SYK: variants seen among roughly 807,000 people sequenced by gnomAD.
SYK encodes the protein tyrosine-protein kinase SYK.
Under a neutral mutation model 77.8 loss-of-function variants are expected in SYK, and 16 were observed. The ratio of observed to expected loss-of-function variants is 0.21; its 90% CI spans 0.14 to 0.31. The LOEUF (loss-of-function observed/expected upper bound fraction) is 0.31. Among genes scored for constraint, SYK ranks in the 10% least tolerant of loss-of-function variants. The pLI is 1.00. For missense variants in SYK, 529 were observed against 814.4 expected, an observed-to-expected ratio of 0.65 and a Z score of 4.26; for synonymous variants, 312 against 308.7, an observed-to-expected ratio of 1.01 and a Z score of -0.11.
At chr9:90,851,163 C>G (rs1363479176) in intron 3 of SYK, among the ~76,000 whole-genome samples, 1 of 152,166 alleles carries the variant, frequency 6.6e-6, no homozygotes, top group African/African-American at 2.4e-5. Flanking sequence ...TAAGCAGAAA[C>G]AGCAGCCAGC....
intron 1 of SYK, among the ~76,000 whole-genome samples, chr9:90,832,221 A>G (rs1825923691): frequency 6.6e-6 from 1 of 152,266 alleles, no homozygotes; most frequent in South Asian, 2.1e-4. Context: ...GTGAATAACA[A>G]GAAGCAACTG....
chr9:90,844,421 A>G, intron 2 of SYK, 106 bp downstream of exon 2: 1 of 1,273,156 alleles, frequency 7.9e-7, no homozygotes, highest in Non-Finnish European at 1.0e-6. Context: ...GTGTGCCCAA[A>G]TAACACAACC....
chr9:90,885,224 G>C (rs1485896959), intron 11 of SYK, among the ~76,000 whole-genome samples: 1 of 151,794 alleles, frequency 6.6e-6, no homozygotes, highest in Non-Finnish European at 1.5e-5. Flanking sequence ...TCAAAATATT[G>C]ATTTTAAAGA....
chr9:90,893,982 G>A (rs1028800059), intron 13 of SYK, among the ~76,000 whole-genome samples: 2 of 152,238 alleles, frequency 1.3e-5, no homozygotes, highest in African/African-American at 4.8e-5. Context: ...CTTCCTGGAG[G>A]CAGCATCTCC....
At chr9:90,890,875 G>T (rs1006977449) in intron 13 of SYK, among the ~76,000 whole-genome samples, 2 of 152,208 alleles carry the variant, frequency 1.3e-5, no homozygotes, top group Non-Finnish European at 2.9e-5. Context: ...AGACACACAA[G>T]AAGTGAGTTT....
At chr9:90,838,392 A>C (rs1324128911) in intron 1 of SYK, among the ~76,000 whole-genome samples, 1 of 152,236 alleles carries the variant, frequency 6.6e-6, no homozygotes, top group Non-Finnish European at 1.5e-5. Flanking sequence ...TGTGCTGCAG[A>C]GAAAAATTAG....
At chr9:90,826,034 G>C (rs1333126370) in intron 1 of SYK, among the ~76,000 whole-genome samples, 1 of 152,176 alleles carries the variant, frequency 6.6e-6, no homozygotes, top group African/African-American at 2.4e-5. Context: ...ATGTTTCCTG[G>C]TGATGCTGAC....
intron 13 of SYK, among the ~76,000 whole-genome samples, chr9:90,892,239 G>A (rs138592825): frequency 4.6e-5 from 7 of 152,262 alleles, no homozygotes; most frequent in Non-Finnish European, 8.8e-5. Flanking sequence ...TAGAGAAGGC[G>A]CTAGGAGATA....
At chr9:90,823,632 C>T (rs1487978504) in intron 1 of SYK, among the ~76,000 whole-genome samples, 1 of 152,050 alleles carries the variant, frequency 6.6e-6, no homozygotes, top group Non-Finnish European at 1.5e-5. Flanking sequence ...AATCAAACAA[C>T]AGACTTCTAT....
At chr9:90,886,564 G>T (rs1029526249) in intron 11 of SYK, among the ~76,000 whole-genome samples, 1 of 152,118 alleles carries the variant, frequency 6.6e-6, no homozygotes, top group Non-Finnish European at 1.5e-5. Flanking sequence ...AATTGGCCAG[G>T]CCTGGTGACA....
In SYK at chr9:90,864,603, T is replaced by C. The variant is rs201907766; in HGVS notation, c.732T>C (p.Tyr244=). The C allele has an allele frequency of 1.7e-5, 27 of 1,614,090 alleles. No homozygotes were observed. Among genetic ancestry groups the C allele is most frequent in the Non-Finnish European group, 5.9e-6 (7 of 1,180,028 alleles). ...FDTLWQLVEH[Y]SYKADGLLRV... ...TTCTCTTTCAGCTAGTCGAGCATTA[T>C]TCTTATAAAGCAGATGGTTTGTTAA... The change falls in exon 5 of 14, where the codon TAT becomes TAC. Residue 244 remains tyrosine (Y), a synonymous_variant. Transcript: ENST00000375754.
intron 1 of SYK, among the ~76,000 whole-genome samples, chr9:90,814,907 TC>T (rs540274052): frequency 2.1e-4 from 32 of 152,218 alleles, no homozygotes; most frequent in African/African-American, 7.5e-4. Flanking sequence ...CTGACATGGT[TC>T]CCAGTTATTT....
At chr9:90,879,237 G>A (rs1440317178) in intron 11 of SYK, among the ~76,000 whole-genome samples, 1 of 152,150 alleles carries the variant, frequency 6.6e-6, no homozygotes, top group Non-Finnish European at 1.5e-5. Flanking sequence ...AAGAAGAATG[G>A]GATTCCTTCA....
chr9:90,847,297 C>T (rs1250204203), intron 3 of SYK, among the ~76,000 whole-genome samples: 3 of 152,220 alleles, frequency 2.0e-5, no homozygotes, highest in Non-Finnish European at 4.4e-5. Flanking sequence ...GCTTCCTATT[C>T]AGCTGGTGTC....
intron 11 of SYK, among the ~76,000 whole-genome samples, chr9:90,880,718 G>A (rs78211167): frequency 0.013 from 1,914 of 152,310 alleles, 35 homozygotes; most frequent in African/African-American, 0.043. Flanking sequence ...TTTCCCTGCC[G>A]TCCTGCTGTG....
intron 4 of SYK, among the ~76,000 whole-genome samples, chr9:90,863,723 T>A (rs1156634975): frequency 6.6e-6 from 1 of 152,200 alleles, no homozygotes; most frequent in African/African-American, 2.4e-5. Context: ...GAATGTGGCC[T>A]TCTGGAATGC....
chr9:90,846,749 C>T (rs958158398), intron 3 of SYK, among the ~76,000 whole-genome samples: 3 of 150,858 alleles, frequency 2.0e-5, no homozygotes, highest in Admixed American at 6.6e-5. Flanking sequence ...GGTTGCCACG[C>T]GGCAGTGCCT....
chr9:90,876,303 AAAAG>A (rs1162716536), intron 9 of SYK, among the ~76,000 whole-genome samples: 639 of 109,878 alleles, frequency 5.8e-3, no homozygotes, highest in Middle Eastern at 0.019. Flanking sequence ...AAAAAAAAAA[AAAAG>A]AAAGAAAGAA....
chr9:90,891,646 A>ACCCAGTC (rs1012814767), intron 13 of SYK, among the ~76,000 whole-genome samples: 3 of 152,192 alleles, frequency 2.0e-5, no homozygotes, highest in African/African-American at 7.2e-5. Flanking sequence ...GGACTCTGTT[A>ACCCAGTC]CCCTCACTAT....
Sources: gnomAD v4.1 joint callset for allele counts (sites outside exome capture counted in the v4.1 genomes callset) on GRCh38, gnomAD v4.1.1 for gene constraint, MANE v1.5 for transcripts, NCBI Gene and HGNC (gene_info 2026-07-23, HGNC 2026-07-21) for gene names.